Variants in PXK observed in about 807,000 individuals in gnomAD.
PXK encodes the protein PX domain containing serine/threonine kinase like.
In PXK, 35 loss-of-function variants were observed where a neutral mutation model predicts 84.7. The ratio of observed to expected loss-of-function variants is 0.41; its 90% CI spans 0.32 to 0.55. The LOEUF (loss-of-function observed/expected upper bound fraction) is 0.55. Ranked by LOEUF, PXK falls within the 20% of genes least tolerant of loss-of-function variation. The pLI is 0.21. For missense variants in PXK, 634 were observed against 699.7 expected, an observed-to-expected ratio of 0.91 and a Z score of 1.06; for synonymous variants, 253 against 260.8, an observed-to-expected ratio of 0.97 and a Z score of 0.29.
intron 1 of PXK, among the ~76,000 whole-genome samples, chr3:58,353,125 T>C (rs1231242722): frequency 1.3e-5 from 2 of 152,008 alleles, no homozygotes; most frequent in Admixed American, 1.3e-4. Context: ...GCCTCCCGAA[T>C]AGCTGGGACT....
chr3:58,408,833 T>A, intron 13 of PXK, 91 bp from the exon 14 acceptor site: 2 of 1,034,442 alleles, frequency 1.9e-6, no homozygotes, highest in Non-Finnish European at 1.5e-6. Flanking sequence ...AAATGACTCT[T>A]GATAACCACC....
At chr3:58,367,567 G>A (rs565768815) in intron 2 of PXK, among the ~76,000 whole-genome samples, 102 of 152,190 alleles carry the variant, frequency 6.7e-4, no homozygotes, top group African/African-American at 2.4e-3. Context: ...ATGTGACACA[G>A]GAACTTTCAG....
At chr3:58,387,062 T>C (rs1329807067) in intron 4 of PXK, among the ~76,000 whole-genome samples, 1 of 152,196 alleles carries the variant, frequency 6.6e-6, no homozygotes, top group East Asian at 1.9e-4. Context: ...GAGGAGTCAG[T>C]GTTTGTTCCC....
At chr3:58,403,488 G>A (rs1185863607) in intron 12 of PXK, among the ~76,000 whole-genome samples, 2 of 152,078 alleles carry the variant, frequency 1.3e-5, no homozygotes, top group African/African-American at 4.8e-5. Flanking sequence ...CCTCTTCTGA[G>A]GCAAGAAAAA....
rs4075404 is a variant in PXK at position 58,425,692 on chromosome 3, C to T, written c.*732C>T. 11,080 of 152,184 alleles carry T rather than the reference C, an allele frequency of 0.073. 520 individuals carry two copies. The highest frequency in any genetic ancestry group is 0.1 in the South Asian group (494 of 4,826). The allele number at this position is 152,184 out of a possible 1,614,324, so 9.4% of individuals were successfully genotyped here. ...TGCCAATTAGAGGATCTTCTTAATC[C>T]TCAGCAATTAAGTTTGGGGTTTGAG... On this transcript the variant is annotated 3_prime_UTR_variant, in exon 18 of 18. Coordinates refer to ENST00000356151, the MANE Select transcript of PXK (RefSeq NM_017771.5).
chr3:58,336,820 TG>T (rs1006655463), intron 1 of PXK, among the ~76,000 whole-genome samples: 5 of 152,160 alleles, frequency 3.3e-5, no homozygotes, highest in East Asian at 1.9e-4. Context: ...CTCCTTTTTT[TG>T]GGGGGTGGGG....
intron 1 of PXK, among the ~76,000 whole-genome samples, chr3:58,353,802 A>G (rs1367219391): frequency 6.6e-6 from 1 of 152,236 alleles, no homozygotes; most frequent in African/African-American, 2.4e-5. Context: ...GGTTATAAAC[A>G]GTCTGACTGG....
At chr3:58,350,264 G>T (rs2097898101) in intron 1 of PXK, among the ~76,000 whole-genome samples, 1 of 152,110 alleles carries the variant, frequency 6.6e-6, no homozygotes, top group African/African-American at 2.4e-5. Context: ...TAACTTCTAG[G>T]TGGTGCTCAC....
In PXK at chr3:58,398,308, C is replaced by T. The variant is rs1397462873; in HGVS notation, c.1102+586C>T. On this transcript the variant is annotated intron_variant, in intron 11 of 17. Transcript: ENST00000356151. The surrounding 1 kb of genome is among the most constrained non-coding windows in gnomAD (Gnocchi z 4.5). ...CCCAGCTTTTTGGGAGGCTGAGGCACGAGAATTGCTTGAACCCGCCTCTTG... is the reference window on the plus strand; with the variant it reads ...CCCAGCTTTTTGGGAGGCTGAGGCATGAGAATTGCTTGAACCCGCCTCTTG... Among the ~76,000 whole-genome samples, 2 of 152,058 alleles carry T rather than the reference C, an allele frequency of 1.3e-5. No individual in the cohort carries two copies. Among genetic ancestry groups the T allele is most frequent in the Admixed American group, 6.5e-5 (1 of 15,272 alleles).
At chr3:58,341,646 A>G (rs2097733520) in intron 1 of PXK, among the ~76,000 whole-genome samples, 1 of 152,146 alleles carries the variant, frequency 6.6e-6, no homozygotes, top group Non-Finnish European at 1.5e-5. Flanking sequence ...GGCTTTTGGT[A>G]TATTTACAGA....
Position 58,358,967 on chromosome 3 carries a change from C to T in PXK, c.103-6907C>T, listed in dbSNP as rs184441747. The stretch of plus-strand genomic sequence containing the variant: ...TTTTAATCTAAATTATATCTATACA[C>T]AGGAAAGGAATGGAATGCAGTACCT... On this transcript the variant is annotated intron_variant, in intron 1 of 17. Coordinates refer to ENST00000356151, the MANE Select transcript of PXK (RefSeq NM_017771.5). Among the ~76,000 whole-genome samples the T allele has an allele frequency of 4.2e-3, 634 of 152,186 alleles. 4 individuals are homozygous for T. Among genetic ancestry groups the T allele is most frequent in the Non-Finnish European group, 6.9e-3 (466 of 68,006 alleles).
chr3:58,358,524 A>G (rs1382251507), intron 1 of PXK, among the ~76,000 whole-genome samples: 1 of 152,044 alleles, frequency 6.6e-6, no homozygotes, highest in Non-Finnish European at 1.5e-5. Flanking sequence ...CTCCCACTCC[A>G]TCCTGTATCC....
In PXK at chr3:58,421,737, G is replaced by A. The variant is rs949444643; in HGVS notation, c.1529-3015G>A. 1.6e-5 allele frequency: 16 copies of A among 985,314 alleles called. No individual in the cohort carries two copies. Among genetic ancestry groups the A allele is most frequent in the East Asian group, 1.1e-4 (1 of 8,816 alleles). The allele number at this position is 985,314 out of a possible 1,614,324, so 61.0% of individuals were successfully genotyped here. ...GCCTCTGCTGGACTGCCAGGTTCCC[G>A]TGTGGTTTGGTGGAGAAGATTTTGG... is the stretch of plus-strand genomic sequence containing the variant. On this transcript the variant is annotated intron_variant, in intron 17 of 17. Transcript: ENST00000356151. The surrounding 1 kb of genome is among the most constrained non-coding windows in gnomAD (Gnocchi z 5.5).
chr3:58,398,246 C>T lies in PXK; in HGVS notation c.1102+524C>T, dbSNP rs934669348. ...TGAAACCCCATCTGTACTAAAATTA[C>T]AAAAATTAGCTGGGCGTGGAGGTGC... is the stretch of plus-strand genomic sequence containing the variant. On this transcript the variant is annotated intron_variant, in intron 11 of 17. Transcript: ENST00000356151. This position sits in a 1 kb window ranked among gnomAD's most constrained non-coding sequence, Gnocchi z 4.5. Among the ~76,000 whole-genome samples, 1 of 152,134 alleles carries T rather than the reference C, an allele frequency of 6.6e-6. No individual in the cohort carries two copies. Among genetic ancestry groups the T allele is most frequent in the South Asian group, 2.1e-4 (1 of 4,832 alleles).
At chr3:58,374,581 A>C (rs1190620243) in intron 3 of PXK, among the ~76,000 whole-genome samples, 2 of 152,140 alleles carry the variant, frequency 1.3e-5, no homozygotes, top group East Asian at 3.9e-4. Flanking sequence ...GGGAATCCAT[A>C]GGGCATGTTA....
In PXK at chr3:58,399,321, G is replaced by C; in HGVS notation, c.1125G>C (p.Leu375=). ...AAGTGGCCGTGTTGGAGTCTACGCTGTCTTGTGAAGCCTGTAAAAATGGCA... is the reference window on the plus strand; with the variant it reads ...AAGTGGCCGTGTTGGAGTCTACGCTCTCTTGTGAAGCCTGTAAAAATGGCA... ...MAVVAVLEST[L]SCEACKNGMP... is the part of the protein sequence containing the mutation. Residue 375 remains leucine, a synonymous_variant, in exon 12 of 18, where the codon CTG becomes CTC. Transcript: ENST00000356151. This position sits in a 1 kb window ranked among gnomAD's most constrained non-coding sequence, Gnocchi z 4.3. 6.2e-7 allele frequency: 1 copy of C among 1,614,200 alleles called. No homozygotes were observed. The highest frequency in any genetic ancestry group is 8.5e-7 in the Non-Finnish European group (1 of 1,180,018).
At chr3:58,419,964 G>C (rs1433235491) in intron 17 of PXK, among the ~76,000 whole-genome samples, 1 of 152,248 alleles carries the variant, frequency 6.6e-6, no homozygotes, top group Non-Finnish European at 1.5e-5. Flanking sequence ...CAGGGCCTCA[G>C]GGAGGGGCCC....
chr3:58,343,911 T>A (rs1486457581), intron 1 of PXK, among the ~76,000 whole-genome samples: 1 of 152,222 alleles, frequency 6.6e-6, no homozygotes, highest in Non-Finnish European at 1.5e-5. Flanking sequence ...TAATTTTCCT[T>A]CCTCTGAAAT....
intron 3 of PXK, among the ~76,000 whole-genome samples, chr3:58,374,171 CTT>C (rs1229255234): frequency 5.9e-5 from 8 of 135,142 alleles, no homozygotes; most frequent in Non-Finnish European, 3.2e-5. Context: ...CATTTTCTTT[CTT>C]TTTTTTTTTT....
Sources: gnomAD v4.1 joint callset for allele counts (sites outside exome capture counted in the v4.1 genomes callset) on GRCh38, gnomAD v4.1.1 for gene constraint, Gnocchi (gnomAD v3.1) non-coding constraint, MANE v1.5 for transcripts, NCBI Gene and HGNC (gene_info 2026-07-23, HGNC 2026-07-21) for gene names.